COL4A4: variants seen among roughly 807,000 people sequenced by gnomAD.
COL4A4 encodes the protein collagen alpha-4(IV) chain.
COL4A4 carries 105 observed loss-of-function variants against 192.9 expected under a neutral mutation model. The ratio of observed to expected loss-of-function variants is 0.54; its 90% confidence interval spans 0.46 to 0.64. COL4A4 has a LOEUF of 0.64. Ranked by LOEUF, COL4A4 falls within the 30% of genes least tolerant of loss-of-function variation. The probability of loss-of-function intolerance (pLI) is 0.00; values close to 1 mark genes in which losing one functional copy is unlikely to be tolerated. For missense variants in COL4A4, 1,967 were observed against 2,169.3 expected (o/e 0.91, Z 1.85); for synonymous variants, 762 against 769.9 (o/e 0.99, Z 0.17).
At chr2:227,073,466 C>A (rs188782546) in intron 25 of COL4A4, among the ~76,000 whole-genome samples, 1 of 152,028 alleles carries the variant, frequency 6.6e-6, no homozygotes, top group Non-Finnish European at 1.5e-5. Context: ...AATGACCACA[C>A]TTCAAAAGTA....
chr2:227,007,960 G>A (rs907220810), intron 47 of COL4A4, 58 bp downstream of exon 47: 16 of 1,579,566 alleles, frequency 1.0e-5, no homozygotes, highest in South Asian at 8.9e-5. Context: ...GAGAAATGGC[G>A]GGAGAAGGTG....
At position 227,045,815 on chromosome 2, in the gene COL4A4, TACAC is replaced by T. The variant is rs1343840130; in HGVS notation, c.3289+1656_3289+1659del. Among the ~76,000 whole-genome samples the T allele has an allele frequency of 9.6e-5, 5 of 52,198 alleles. 1 individual carries two copies. The highest frequency in any genetic ancestry group is 2.5e-4 in the African/African-American group (2 of 8,044). 34.2% of individuals were successfully genotyped at this position (52,198 alleles called of 152,430 possible). ...ATATATATACACATATATATATATA[TACAC>T]ATATATATATATACACACATATATA... On this transcript the variant is annotated intron_variant, in intron 35 of 47. Transcript: ENST00000396625.
At chr2:227,082,892 T>C (rs368622128) in intron 22 of COL4A4, among the ~76,000 whole-genome samples, 12 of 152,342 alleles carry the variant, frequency 7.9e-5, no homozygotes, top group East Asian at 3.9e-4. Flanking sequence ...TGAGTCATAC[T>C]TTTTAAGTGT....
Position 227,028,417 on chromosome 2 carries a change from C to T in COL4A4, c.3974-408G>A, listed in dbSNP as rs142676015. 2.5e-3 allele frequency among the ~76,000 whole-genome samples: 381 copies of T among 152,226 alleles called. 1 individual carries two copies. The highest frequency in any genetic ancestry group is 8.7e-3 in the African/African-American group (362 of 41,548). ...AGTTTTAGGCACAACAGTTCAGTTCCTCATACGTGATGTTCCTTTACTTCT... is the reference window on the plus strand; with the variant it reads ...AGTTTTAGGCACAACAGTTCAGTTCTTCATACGTGATGTTCCTTTACTTCT... On this transcript the variant is annotated intron_variant, in intron 41 of 47. Transcript: ENST00000396625.
At chr2:227,138,452 T>C (rs1295829876) in intron 4 of COL4A4, among the ~76,000 whole-genome samples, 2 of 151,860 alleles carry the variant, frequency 1.3e-5, no homozygotes, top group Non-Finnish European at 2.9e-5. Context: ...GCTAACACAG[T>C]GAAATCCCGT....
the COL4A4 span, among the ~76,000 whole-genome samples, chr2:226,979,845 G>A: frequency 9.9e-5 from 15 of 152,174 alleles, no homozygotes; most frequent in Non-Finnish European, 2.1e-4. Flanking sequence ...CCATCACAGC[G>A]GTTTAGGCAC....
chr2:226,987,457 G>T, the COL4A4 span, among the ~76,000 whole-genome samples: 1 of 152,220 alleles, frequency 6.6e-6, no homozygotes, highest in Non-Finnish European at 1.5e-5. Flanking sequence ...GTCATGAGCA[G>T]CTAGCTGGTA....
chr2:226,971,649 A>G, the COL4A4 span, among the ~76,000 whole-genome samples: 1 of 152,246 alleles, frequency 6.6e-6, no homozygotes, highest in Admixed American at 6.5e-5. Flanking sequence ...AAATGTGGCT[A>G]CTAACATTCA....
chr2:226,986,356 G>A, the COL4A4 span, among the ~76,000 whole-genome samples: 11 of 152,224 alleles, frequency 7.2e-5, no homozygotes, highest in African/African-American at 2.6e-4. Context: ...TATCAATGTT[G>A]GTTTCTTAGT....
chr2:227,055,553 C>G (rs1184118819), intron 30 of COL4A4, among the ~76,000 whole-genome samples: 1 of 151,992 alleles, frequency 6.6e-6, no homozygotes, highest in African/African-American at 2.4e-5. Flanking sequence ...TGCTCTGCCG[C>G]CCCATCCTCA....
At chr2:227,059,711 T>C (rs1367482316) in intron 27 of COL4A4, 88 bp from the exon 28 acceptor site, 3 of 1,061,128 alleles carry the variant, frequency 2.8e-6, no homozygotes, top group Non-Finnish European at 4.3e-6. Context: ...AAAAATACTT[T>C]TCTTAAAAAC....
chr2:227,045,975 G>GTATATATGTATATATGTATA (rs1972678861), intron 35 of COL4A4, among the ~76,000 whole-genome samples: 1 of 40,192 alleles, frequency 2.5e-5, no homozygotes, highest in African/African-American at 1.2e-4. Context: ...ATTTATATGT[G>GTATATATGTATATATGTATA]TATATGTATA....
chr2:227,067,109 A>C (rs558845631), intron 25 of COL4A4, among the ~76,000 whole-genome samples: 143 of 152,230 alleles, frequency 9.4e-4, no homozygotes, highest in African/African-American at 3.4e-3. Context: ...AAAGATCAAA[A>C]GAGACAAAGA....
chr2:226,992,529 A>G, the COL4A4 span, among the ~76,000 whole-genome samples: 1 of 152,216 alleles, frequency 6.6e-6, no homozygotes, highest in Non-Finnish European at 1.5e-5. Flanking sequence ...GTTATACCCA[A>G]GGTCTTCTTG....
chr2:227,045,180 T>C (rs1221292067), intron 35 of COL4A4, among the ~76,000 whole-genome samples: 2 of 152,200 alleles, frequency 1.3e-5, no homozygotes, highest in Admixed American at 6.5e-5. Context: ...ATGATGATCA[T>C]TGCATTTTAT....
At chr2:227,058,196 T>C (rs1404162527) in intron 28 of COL4A4, among the ~76,000 whole-genome samples, 1 of 152,224 alleles carries the variant, frequency 6.6e-6, no homozygotes, top group East Asian at 1.9e-4. Flanking sequence ...TTTTCCAGTT[T>C]GTTGCAGTCT....
chr2:227,045,811 T>TAC (rs1972423821), intron 35 of COL4A4, among the ~76,000 whole-genome samples: 3 of 38,184 alleles, frequency 7.9e-5, no homozygotes, highest in African/African-American at 3.2e-4. Flanking sequence ...CATATATATA[T>TAC]ATATACACAT....
the COL4A4 span, chr2:226,988,562 G>T: frequency 7.2e-7 from 1 of 1,389,630 alleles, no homozygotes; most frequent in Non-Finnish European, 9.3e-7. Flanking sequence ...GCGGACTGGT[G>T]TGGAATCTGC....
At chr2:227,101,687 C>A in intron 16 of COL4A4, 130 bp from the exon 17 acceptor site, 1 of 1,092,572 alleles carries the variant, frequency 9.2e-7, no homozygotes, top group South Asian at 1.4e-5. Context: ...TCATCAGTTG[C>A]ATCAGACAAT....
Sources: allele counts gnomAD v4.1 joint callset (sites outside exome capture counted in the v4.1 genomes callset), GRCh38; gene constraint gnomAD v4.1.1; transcripts MANE v1.5; gene names NCBI Gene and HGNC (gene_info 2026-07-23, HGNC 2026-07-21).